TBC1D21: variants seen among roughly 807,000 people sequenced by gnomAD.
TBC1D21 encodes the protein TBC1 domain family member 21.
Under a neutral mutation model 46.0 loss-of-function variants are expected in TBC1D21, and 38 were observed. That is an observed-to-expected ratio of 0.83 (90% CI 0.64 to 1.08). TBC1D21 has a LOEUF of 1.08. Ranked by LOEUF, TBC1D21 falls within the 50% of genes least tolerant of loss-of-function variation. The pLI is 0.00. For missense variants in TBC1D21, 415 were observed against 417.9 expected, an observed-to-expected ratio of 0.99 and a Z score of 0.06; for synonymous variants, 151 against 157.2, an observed-to-expected ratio of 0.96 and a Z score of 0.29.
chr15:73,892,199 C>T (rs4332700), downstream of TBC1D21, among the ~76,000 whole-genome samples: 144,658 of 152,308 alleles, frequency 0.95, 69,158 homozygotes, highest in East Asian at 1. Context: ...GGGTCTCCTC[C>T]GAGCTGTTCT....
intron 8 of TBC1D21, 29 bp from the exon 9 acceptor site, chr15:73,887,591 G>C: frequency 1.2e-6 from 2 of 1,601,376 alleles, no homozygotes; most frequent in Admixed American, 3.3e-5. Flanking sequence ...CAGACCACAG[G>C]GCCCAGACTG....
At chr15:73,880,873 C>G (rs1382109323) in intron 1 of TBC1D21, among the ~76,000 whole-genome samples, 1 of 152,102 alleles carries the variant, frequency 6.6e-6, no homozygotes, top group Non-Finnish European at 1.5e-5. Flanking sequence ...TTTGTATTTT[C>G]TCAGTCTTTT....
chr15:73,903,430 C>T, the TBC1D21 span, among the ~76,000 whole-genome samples: 1 of 152,240 alleles, frequency 6.6e-6, no homozygotes, highest in Non-Finnish European at 1.5e-5. Flanking sequence ...GTTCTGTACA[C>T]TCAGAGGGTC....
chr15:73,896,661 C>T, the TBC1D21 span, among the ~76,000 whole-genome samples: 72 of 152,244 alleles, frequency 4.7e-4, no homozygotes, highest in Non-Finnish European at 9.3e-4. Flanking sequence ...GGAGAGGAAG[C>T]GTGAGGCCCC....
At chr15:73,900,636 T>C in the TBC1D21 span, among the ~76,000 whole-genome samples, 6 of 152,060 alleles carry the variant, frequency 3.9e-5, no homozygotes, top group African/African-American at 1.2e-4. Flanking sequence ...TGCATACATC[T>C]CTCTCCTGGA....
chr15:73,896,454 G>T, the TBC1D21 span, among the ~76,000 whole-genome samples: 2 of 152,166 alleles, frequency 1.3e-5, no homozygotes, highest in East Asian at 1.9e-4. Flanking sequence ...GGCAATGAAG[G>T]TCATTGTAGT....
the TBC1D21 span, among the ~76,000 whole-genome samples, chr15:73,896,454 G>A: frequency 6.6e-6 from 1 of 152,048 alleles, no homozygotes; most frequent in Non-Finnish European, 1.5e-5. Context: ...GGCAATGAAG[G>A]TCATTGTAGT....
chr15:73,891,645 A>G (rs904737423), downstream of TBC1D21, among the ~76,000 whole-genome samples: 9 of 152,110 alleles, frequency 5.9e-5, no homozygotes, highest in Non-Finnish European at 1.0e-4. Flanking sequence ...GCCTGCTCCC[A>G]CTGCCTGGCC....
At chr15:73,884,286 C>A in intron 4 of TBC1D21, 41 bp downstream of exon 4, 1 of 1,569,100 alleles carries the variant, frequency 6.4e-7, no homozygotes, top group South Asian at 1.1e-5. Context: ...AGAGGGAGGG[C>A]TTGAAGCCAA....
downstream of TBC1D21, among the ~76,000 whole-genome samples, chr15:73,890,513 T>C (rs2068328256): frequency 6.6e-6 from 1 of 152,234 alleles, no homozygotes; most frequent in African/African-American, 2.4e-5. Flanking sequence ...TGAAAGACAG[T>C]TCTCCAAGGA....
At chr15:73,894,975 AAGG>A in the TBC1D21 span, among the ~76,000 whole-genome samples, 1 of 152,194 alleles carries the variant, frequency 6.6e-6, no homozygotes, top group South Asian at 2.1e-4. Flanking sequence ...ACCAGAAATG[AAGG>A]AGGCTGGTGG....
rs2068275217 is a variant in TBC1D21, at chr15:73,887,702, TG to T, written c.861del (p.Gln288ArgfsTer24). 2 of 1,613,916 alleles carry T rather than the reference TG, an allele frequency of 1.2e-6. No homozygotes were observed. Among genetic ancestry groups the T allele is most frequent in the East Asian group, 4.5e-5 (2 of 44,866 alleles). ...CTGCAGATGGTGCGGGAGCAGGTGCTGCAGGAAAGCATGGGCGGGGATGACA... is the reference window on the plus strand; with the variant it reads ...CTGCAGATGGTGCGGGAGCAGGTGCTCAGGAAAGCATGGGCGGGGATGACA... ...SMLQMVREQV[L>X]QESMGGDDIL... is the part of the protein sequence containing the mutation. On this transcript the variant is annotated frameshift_variant, in exon 9 of 11. Transcript: ENST00000300504. LOFTEE classifies it high-confidence loss of function.
At chr15:73,884,754 C>A in intron 4 of TBC1D21, 27 bp from the exon 5 acceptor site, 1 of 1,558,424 alleles carries the variant, frequency 6.4e-7, no homozygotes, top group East Asian at 2.2e-5. Flanking sequence ...TCTGGTGCCA[C>A]CTACTTGCCC....
At chr15:73,909,202 T>C in the TBC1D21 span, among the ~76,000 whole-genome samples, 1 of 152,014 alleles carries the variant, frequency 6.6e-6, no homozygotes, top group South Asian at 2.1e-4. Context: ...TGAAACCCTG[T>C]CTCTACTAAA....
downstream of TBC1D21, among the ~76,000 whole-genome samples, chr15:73,890,306 C>T (rs1438899537): frequency 1.3e-5 from 2 of 152,178 alleles, no homozygotes; most frequent in Admixed American, 6.5e-5. Flanking sequence ...CTCTGAGTCT[C>T]TTAGCTGCTG....
chr15:73,881,518 A>T lies in TBC1D21; in HGVS notation c.168+12A>T, dbSNP rs2068154357. Reference sequence around the variant, plus strand: ...ACATCCTGGAAAGGGTGGGTCCCCAAGCTACCCTTGGCCTTGCCCTGGAAC... The same window carrying T: ...ACATCCTGGAAAGGGTGGGTCCCCATGCTACCCTTGGCCTTGCCCTGGAAC... On this transcript the variant is annotated intron_variant, in intron 2 of 10. Transcript: ENST00000300504. 6.2e-7 allele frequency: 1 copy of T among 1,613,384 alleles called. No homozygotes were observed. Among genetic ancestry groups the T allele is most frequent in the Non-Finnish European group, 8.5e-7 (1 of 1,179,476 alleles).
Position 73,881,712 on chromosome 15 carries a change from C to T in TBC1D21, c.237C>T (p.Ser79=), listed in dbSNP as rs192243317. ...CGGGCTACTTCTCATGGCAGAGTTC[C>T]CAGGATGAGCGGCTCACGGTGGACA... is the stretch of plus-strand genomic sequence containing the variant. ...FLTGYFSWQS[S]QDERLTVDSM... The change falls in exon 3 of 11, where the codon TCC becomes TCT. Residue 79 remains serine (S), a synonymous_variant. Transcript: ENST00000300504. 3.7e-6 allele frequency: 6 copies of T among 1,613,986 alleles called. No individual in the cohort carries two copies. In the African/African-American group the frequency reaches 5.3e-5, roughly 14 times the overall value.
At chr15:73,876,495 G>A (rs1349173567) in intron 1 of TBC1D21, among the ~76,000 whole-genome samples, 1 of 149,616 alleles carries the variant, frequency 6.7e-6, no homozygotes, top group East Asian at 2.0e-4. Flanking sequence ...CACCCGCCTC[G>A]GCCTCCCAAA....
At chr15:73,877,116 T>C (rs76753366) in intron 1 of TBC1D21, among the ~76,000 whole-genome samples, 4,326 of 152,322 alleles carry the variant, frequency 0.028, 212 homozygotes, top group African/African-American at 0.098. Flanking sequence ...TGGGTTGATA[T>C]ATGTAAAGTG....
Sources: gnomAD v4.1 joint callset for allele counts (sites outside exome capture counted in the v4.1 genomes callset) on GRCh38, gnomAD v4.1.1 for gene constraint, MANE v1.5 for transcripts, NCBI Gene and HGNC (gene_info 2026-07-23, HGNC 2026-07-21) for gene names.